Variants in AGBL1 observed in about 807,000 individuals in gnomAD.
AGBL1 encodes cytosolic carboxypeptidase 4.
In AGBL1, 130 loss-of-function variants were observed where a neutral mutation model predicts 118.9. The observed-to-expected ratio is 1.09, with a 90% CI of 0.95 to 1.26. The LOEUF is 1.26. Among genes scored for constraint, AGBL1 ranks in the 50% most tolerant of loss-of-function variants. The pLI, the probability that AGBL1 is intolerant of heterozygous loss-of-function variation, is 0.00. For synonymous variants in AGBL1, 555 were observed against 478.9 expected (o/e 1.16, Z -2.08); for missense variants, 1,584 against 1,298.1 (o/e 1.22, Z -3.38).
intron 21 of AGBL1, among the ~76,000 whole-genome samples, chr15:86,600,130 C>G (rs1188838996): frequency 6.6e-6 from 1 of 151,938 alleles, no homozygotes; most frequent in Non-Finnish European, 1.5e-5. Flanking sequence ...TAGAATGTGC[C>G]CAGTTCTGGG....
intron 21 of AGBL1, among the ~76,000 whole-genome samples, chr15:86,573,928 A>T (rs1489333117): frequency 6.6e-6 from 1 of 152,226 alleles, no homozygotes; most frequent in Admixed American, 6.5e-5. Flanking sequence ...AACAAAAATC[A>T]CAATAATAAA....
chr15:86,872,873 G>T lies in AGBL1; in HGVS notation c.3159-34214G>T, dbSNP rs574284701. ...TCTCAGAAATTCAATAGCAGACTTA[G>T]TTATATATACACAGCCAATGTGAAG... On this transcript the variant is annotated intron_variant, in intron 22 of 22. Coordinates refer to ENST00000614907, the MANE Select transcript of AGBL1 (RefSeq NM_001386094.1). Among the ~76,000 whole-genome samples, 10 of 152,282 alleles carry T rather than the reference G, an allele frequency of 6.6e-5. No individual in the cohort carries two copies. The South Asian group carries it at 1.9e-3, about 28-fold the overall frequency.
chr15:86,416,863 G>T (rs1488621069), intron 18 of AGBL1, among the ~76,000 whole-genome samples: 2 of 152,144 alleles, frequency 1.3e-5, no homozygotes, highest in East Asian at 1.9e-4. Flanking sequence ...TATGTAAAAA[G>T]TTTACCCAGT....
At chr15:86,530,617 C>T (rs1031030598) in intron 19 of AGBL1, among the ~76,000 whole-genome samples, 64 of 151,392 alleles carry the variant, frequency 4.2e-4, no homozygotes, top group African/African-American at 1.5e-3. Context: ...ACTTAATAGA[C>T]ATCTACAGAA....
At chr15:86,801,438 A>G (rs2078649210) in intron 22 of AGBL1, among the ~76,000 whole-genome samples, 1 of 151,828 alleles carries the variant, frequency 6.6e-6, no homozygotes, top group Non-Finnish European at 1.5e-5. Flanking sequence ...TTGCTTCATG[A>G]TGAGAGACTT....
At chr15:86,734,757 C>A (rs1168779448) in intron 22 of AGBL1, among the ~76,000 whole-genome samples, 1 of 152,162 alleles carries the variant, frequency 6.6e-6, no homozygotes, top group Non-Finnish European at 1.5e-5. Context: ...TTCCCACTGG[C>A]AGCCTCTTTA....
intron 22 of AGBL1, among the ~76,000 whole-genome samples, chr15:86,830,298 C>G (rs757618634): frequency 6.6e-6 from 1 of 152,108 alleles, no homozygotes; most frequent in African/African-American, 2.4e-5. Context: ...CAATCAACCT[C>G]TGAGAGGTTA....
chr15:86,691,370 G>A (rs2086167927), intron 22 of AGBL1, among the ~76,000 whole-genome samples: 1 of 152,094 alleles, frequency 6.6e-6, no homozygotes, highest in Non-Finnish European at 1.5e-5. Flanking sequence ...CTTCCAACTT[G>A]TGATTATTAT....
intron 1 of AGBL1, among the ~76,000 whole-genome samples, chr15:86,107,917 T>C (rs1398314290): frequency 6.6e-6 from 1 of 152,168 alleles, no homozygotes; most frequent in Admixed American, 6.5e-5. Flanking sequence ...TAGTACCTCA[T>C]TTTTTATAGG....
At chr15:86,532,539 G>A (rs983943585) in intron 19 of AGBL1, among the ~76,000 whole-genome samples, 6 of 132,396 alleles carry the variant, frequency 4.5e-5, no homozygotes, top group Non-Finnish European at 9.7e-5. Context: ...TACTGCCCAA[G>A]GTAATTTACA....
intron 5 of AGBL1, among the ~76,000 whole-genome samples, chr15:86,200,236 C>A (rs1278271227): frequency 6.6e-6 from 1 of 152,090 alleles, no homozygotes; most frequent in Non-Finnish European, 1.5e-5. Context: ...TTTTAGGTGA[C>A]AGCACATATA....
chr15:86,080,778 T>A (rs1168075658), intron 1 of AGBL1, among the ~76,000 whole-genome samples: 2 of 151,788 alleles, frequency 1.3e-5, no homozygotes, highest in Non-Finnish European at 2.9e-5. Context: ...TCCCCCGGGG[T>A]CTCCATGTAG....
Position 86,082,889 on chromosome 15 carries a change from G to A in AGBL1, c.51+2866G>A, listed in dbSNP as rs140750718. On this transcript the variant is annotated intron_variant, in intron 1 of 22. Coordinates refer to ENST00000614907, the MANE Select transcript of AGBL1 (RefSeq NM_001386094.1). ...ACAGCACAGGTGCGAGAGGCAGAAA[G>A]GACTGGATCCAGCCCCTTGTCTGGC... 9.1e-3 allele frequency among the ~76,000 whole-genome samples: 1,382 copies of A among 152,322 alleles called. 27 individuals carry two copies. The highest frequency in any genetic ancestry group is 0.032 in the African/African-American group (1,316 of 41,582).
intron 23 of AGBL1, among the ~76,000 whole-genome samples, chr15:86,966,275 A>G (rs1013028020): frequency 7.1e-6 from 1 of 141,488 alleles, no homozygotes; most frequent in Non-Finnish European, 1.5e-5. Flanking sequence ...GGATTGAACC[A>G]TTTCTTTTTT....
At chr15:86,326,638 A>G (rs1427163334) in intron 17 of AGBL1, among the ~76,000 whole-genome samples, 1 of 152,156 alleles carries the variant, frequency 6.6e-6, no homozygotes, top group African/African-American at 2.4e-5. Context: ...TTGAGCAATA[A>G]TTAGAGTATT....
chr15:86,525,581 C>G (rs1019041989), intron 19 of AGBL1, among the ~76,000 whole-genome samples: 2 of 151,994 alleles, frequency 1.3e-5, no homozygotes, highest in African/African-American at 2.4e-5. Flanking sequence ...ATAAAGCCAG[C>G]CACCTACAAT....
chr15:86,520,433 G>C (rs146362899), intron 18 of AGBL1, among the ~76,000 whole-genome samples: 15 of 152,230 alleles, frequency 9.9e-5, no homozygotes, highest in Admixed American at 5.9e-4. Flanking sequence ...GTTGGAACTA[G>C]GTCTTATTCA....
chr15:86,922,446 A>C (rs2080490691), intron 23 of AGBL1, among the ~76,000 whole-genome samples: 2 of 152,156 alleles, frequency 1.3e-5, no homozygotes, highest in African/African-American at 4.8e-5. Flanking sequence ...ATGTGCCACC[A>C]TGCCCAGCTA....
At chr15:86,170,425 A>G (rs754046920) in intron 5 of AGBL1, among the ~76,000 whole-genome samples, 3 of 152,186 alleles carry the variant, frequency 2.0e-5, no homozygotes, top group African/African-American at 4.8e-5. Context: ...ATAGGTAGGG[A>G]CAGAAAAAAA....
Sources: allele counts gnomAD v4.1 joint callset (sites outside exome capture counted in the v4.1 genomes callset), GRCh38; gene constraint gnomAD v4.1.1; transcripts MANE v1.5; gene names NCBI Gene and HGNC (gene_info 2026-07-23, HGNC 2026-07-21).